The following DLC1 variants were observed in gnomAD, a reference collection of about 807,000 sequenced individuals.
DLC1 encodes the protein DLC1 Rho GTPase activating protein.
In DLC1, 54 loss-of-function variants were observed where a neutral mutation model predicts 140.3. That is an observed-to-expected ratio of 0.38 (90% CI 0.31 to 0.48). The LOEUF is 0.48. Among genes scored for constraint, DLC1 ranks in the 20% least tolerant of loss-of-function variants. The probability of loss-of-function intolerance (pLI) is 0.96; values close to 1 mark genes in which losing one functional copy is unlikely to be tolerated. For synonymous variants in DLC1, 986 were observed against 728.1 expected, an observed-to-expected ratio of 1.35 and a Z score of -5.70; for missense variants, 2,536 against 1,907.0, an observed-to-expected ratio of 1.33 and a Z score of -6.14.
At chr8:13,553,065 A>T (rs570517788) in intron 1 of DLC1, among the ~76,000 whole-genome samples, 96 of 151,440 alleles carry the variant, frequency 6.3e-4, no homozygotes, top group Middle Eastern at 6.8e-3. Context: ...AGTTTCATTA[A>T]TGCAATAGTT....
chr8:13,315,544 A>C (rs895969296), intron 4 of DLC1, among the ~76,000 whole-genome samples: 1 of 152,218 alleles, frequency 6.6e-6, no homozygotes, highest in African/African-American at 2.4e-5. Context: ...TTAGAGATGA[A>C]CTTGATGTTG....
intron 1 of DLC1, among the ~76,000 whole-genome samples, chr8:13,506,708 C>T (rs150820022): frequency 4.0e-5 from 6 of 151,578 alleles, no homozygotes; most frequent in East Asian, 3.9e-4. Context: ...AAACAGCTAT[C>T]GCATAGCATG....
intron 5 of DLC1, among the ~76,000 whole-genome samples, chr8:13,170,620 G>T (rs10093895): frequency 6.6e-6 from 1 of 150,794 alleles, no homozygotes; most frequent in Non-Finnish European, 1.5e-5. Context: ...GTCCCAGCTA[G>T]TCGGGAGGCT....
intron 4 of DLC1, among the ~76,000 whole-genome samples, chr8:13,371,041 A>C (rs985612440): frequency 6.6e-6 from 1 of 152,200 alleles, no homozygotes; most frequent in African/African-American, 2.4e-5. Flanking sequence ...GAAATCCTCA[A>C]ATGGAAATTT....
chr8:13,310,741 G>C (rs1289361854), intron 4 of DLC1, among the ~76,000 whole-genome samples: 2 of 152,186 alleles, frequency 1.3e-5, no homozygotes, highest in Non-Finnish European at 2.9e-5. Flanking sequence ...TTATTGAAAA[G>C]CTGTGTCTGA....
intron 4 of DLC1, among the ~76,000 whole-genome samples, chr8:13,370,495 T>C (rs935743316): frequency 6.6e-6 from 1 of 151,988 alleles, no homozygotes; most frequent in African/African-American, 2.4e-5. Flanking sequence ...AGACTTCTTC[T>C]TGGAGCTCCA....
chr8:13,474,755 T>C (rs759975885), intron 2 of DLC1, among the ~76,000 whole-genome samples: 80 of 152,330 alleles, frequency 5.3e-4, no homozygotes, highest in Non-Finnish European at 8.5e-4. Flanking sequence ...ACTGCTCCAT[T>C]GGATTTCGGA....
intron 2 of DLC1, among the ~76,000 whole-genome samples, chr8:13,435,990 A>G (rs1003089420): frequency 6.6e-6 from 1 of 152,222 alleles, no homozygotes; most frequent in Non-Finnish European, 1.5e-5. Flanking sequence ...GAAAGTTCAG[A>G]TGATTGTTAA....
rs550559970 is a variant in DLC1, at chr8:13,373,204, G to A, written c.1314+20349C>T. On this transcript the variant is annotated intron_variant, in intron 4 of 17. Coordinates refer to ENST00000276297, the MANE Select transcript of DLC1 (RefSeq NM_182643.3). ...GAGAATTTTTAAGATGGGTGCAAAC[G>A]GGTGACTGAATTATGAATCTTTTTC... 2.0e-5 allele frequency among the ~76,000 whole-genome samples: 3 copies of A among 152,154 alleles called. No individual in the cohort carries two copies. The East Asian group carries it at 5.8e-4, about 29-fold the overall frequency.
At chr8:13,327,960 C>T (rs1336778855) in intron 4 of DLC1, among the ~76,000 whole-genome samples, 2 of 152,192 alleles carry the variant, frequency 1.3e-5, no homozygotes, top group Admixed American at 1.3e-4. Flanking sequence ...GAGCACTCCT[C>T]AGACTGGGAA....
intron 2 of DLC1, among the ~76,000 whole-genome samples, chr8:13,428,132 G>C (rs182585048): frequency 6.6e-6 from 1 of 152,118 alleles, no homozygotes; most frequent in Admixed American, 6.5e-5. Context: ...TTGTATGGGC[G>C]TGTGTTGTAC....
At chr8:13,121,907 C>T (rs1821111719) in intron 5 of DLC1, among the ~76,000 whole-genome samples, 3 of 152,128 alleles carry the variant, frequency 2.0e-5, no homozygotes, top group South Asian at 4.2e-4. Flanking sequence ...CTGATTCACT[C>T]AGTCTAGGTA....
At position 13,427,222 on chromosome 8, in the gene DLC1, C is replaced by T. The variant is rs112360787; in HGVS notation, c.1024-25603G>A. The stretch of plus-strand genomic sequence containing the variant: ...CTTTGCAGTTGTTTTCCCAAACTGT[C>T]ATTGACTATCAATGCATTGCCCCAT... On this transcript the variant is annotated intron_variant, in intron 2 of 17. Transcript: ENST00000276297. Among the ~76,000 whole-genome samples, 205 of 152,308 alleles carry T rather than the reference C, an allele frequency of 1.3e-3. 1 individual carries two copies. Among genetic ancestry groups the T allele is most frequent in the African/African-American group, 4.7e-3 (194 of 41,574 alleles).
intron 5 of DLC1, among the ~76,000 whole-genome samples, chr8:13,296,805 C>G (rs1007217114): frequency 4.0e-5 from 6 of 151,514 alleles, no homozygotes; most frequent in African/African-American, 1.5e-4. Context: ...ATAAATATAC[C>G]AACAAAGTGC....
At chr8:13,109,627 G>T (rs1364320103) in intron 7 of DLC1, among the ~76,000 whole-genome samples, 2 of 151,566 alleles carry the variant, frequency 1.3e-5, no homozygotes, top group Non-Finnish European at 2.9e-5. Flanking sequence ...GCTCACGCCT[G>T]TAATCCCTGG....
intron 4 of DLC1, among the ~76,000 whole-genome samples, chr8:13,363,246 G>C (rs1356783696): frequency 2.0e-5 from 3 of 152,098 alleles, no homozygotes; most frequent in Non-Finnish European, 4.4e-5. Flanking sequence ...TCTGCCACTT[G>C]TATATTTGCT....
intron 6 of DLC1, 113 bp downstream of exon 6, chr8:13,115,473 A>ATTT (rs1465299830): frequency 5.0e-5 from 45 of 900,072 alleles, no homozygotes; most frequent in African/African-American, 2.2e-4. Flanking sequence ...ATTTTTTTTA[A>ATTT]AAATAAAACA....
chr8:13,423,930 T>C (rs1295242502), intron 2 of DLC1, among the ~76,000 whole-genome samples: 1 of 152,186 alleles, frequency 6.6e-6, no homozygotes, highest in Non-Finnish European at 1.5e-5. Context: ...AAATAAGAAT[T>C]ATGATCTCAT....
chr8:13,223,505 C>T (rs1330866377), intron 5 of DLC1, among the ~76,000 whole-genome samples: 1 of 152,092 alleles, frequency 6.6e-6, no homozygotes, highest in Non-Finnish European at 1.5e-5. Flanking sequence ...GAAAAATTGC[C>T]CACCAGTGAT....
Sources: gnomAD v4.1 joint callset for allele counts (sites outside exome capture counted in the v4.1 genomes callset) on GRCh38, gnomAD v4.1.1 for gene constraint, MANE v1.5 for transcripts, NCBI Gene and HGNC (gene_info 2026-07-23, HGNC 2026-07-21) for gene names.